The following PDE7B variants were observed in gnomAD, a reference collection of about 807,000 sequenced individuals.
The protein encoded by PDE7B is 3',5'-cyclic-AMP phosphodiesterase 7B.
PDE7B carries 29 observed loss-of-function variants against 56.2 expected under a neutral mutation model. That is an observed-to-expected ratio of 0.52 (90% CI 0.38 to 0.70). The LOEUF is 0.70. PDE7B is among the 30% of genes least tolerant of loss of function. The pLI, the probability that PDE7B is intolerant of heterozygous loss-of-function variation, is 0.00. For missense variants in PDE7B, 490 were observed against 565.0 expected, an observed-to-expected ratio of 0.87 and a Z score of 1.35; for synonymous variants, 197 against 196.9, an observed-to-expected ratio of 1.00 and a Z score of 0.00.
chr6:135,995,408 A>G (rs1355414098), intron 2 of PDE7B, among the ~76,000 whole-genome samples: 1 of 152,184 alleles, frequency 6.6e-6, no homozygotes, highest in African/African-American at 2.4e-5. Flanking sequence ...TTACATCTGA[A>G]GGAGATAAAA....
rs186947943 is a variant in PDE7B, at chr6:135,989,445, C to T, written c.82+41921C>T. 3.9e-4 allele frequency among the ~76,000 whole-genome samples: 60 copies of T among 152,230 alleles called. 1 individual carries two copies. The highest frequency in any genetic ancestry group is 1.3e-3 in the African/African-American group (52 of 41,542). ...CCAGACCAACATGGAGAAACCCTGT[C>T]TCTACTAAAAATACAAAAATTAGCT... On this transcript the variant is annotated intron_variant, in intron 2 of 12. Coordinates refer to ENST00000308191, the MANE Select transcript of PDE7B (RefSeq NM_018945.4).
In PDE7B at chr6:136,038,536, G is replaced by C. The variant is rs1053959778; in HGVS notation, c.83-70195G>C. 14 of 1,270,182 alleles carry C rather than the reference G, an allele frequency of 1.1e-5. 1 individual carries two copies. The highest frequency in any genetic ancestry group is 1.4e-5 in the Non-Finnish European group (14 of 978,532). 78.7% of individuals were successfully genotyped at this position (1,270,182 alleles called of 1,614,324 possible). On this transcript the variant is annotated intron_variant, in intron 2 of 12. Coordinates refer to ENST00000308191, the MANE Select transcript of PDE7B (RefSeq NM_018945.4). Reference sequence around the variant, plus strand: ...CTCTCCGCAGCTTTCCAGGTAAATTGACCATGGGGTGTAATAGGTCACAGG... The same window carrying C: ...CTCTCCGCAGCTTTCCAGGTAAATTCACCATGGGGTGTAATAGGTCACAGG...
At chr6:136,027,768 C>T (rs1480965747) in intron 2 of PDE7B, among the ~76,000 whole-genome samples, 12 of 152,004 alleles carry the variant, frequency 7.9e-5, no homozygotes, top group Non-Finnish European at 1.3e-4. Context: ...ACTGCAGGCA[C>T]GCACCACCAT....
chr6:136,151,239 CT>C lies in PDE7B; in HGVS notation c.464del (p.Leu155TyrfsTer5). 1 of 1,593,494 alleles carries C rather than the reference CT, an allele frequency of 6.3e-7. No individual in the cohort carries two copies. The highest frequency in any genetic ancestry group is 8.6e-7 in the Non-Finnish European group (1 of 1,161,430). On this transcript the variant is annotated frameshift_variant, in exon 6 of 13. Coordinates refer to ENST00000308191, the MANE Select transcript of PDE7B (RefSeq NM_018945.4). LOFTEE classifies it high-confidence loss of function. ...ACCATTTCAAGTTAGATATGGTGAC[CT>C]TACACCGATTTTTAGGTAAGTCCTT... The part of the protein sequence containing the change: ...IHHFKLDMVT[L>X]HRFLVMVQED...
intron 1 of PDE7B, among the ~76,000 whole-genome samples, chr6:135,895,476 C>T (rs1011183573): frequency 3.9e-5 from 6 of 152,062 alleles, no homozygotes; most frequent in Non-Finnish European, 5.9e-5. Flanking sequence ...CCAACATTGC[C>T]GGGTCTACGA....
intron 2 of PDE7B, among the ~76,000 whole-genome samples, chr6:136,062,071 A>G (rs1342994371): frequency 2.6e-5 from 4 of 152,200 alleles, no homozygotes; most frequent in Non-Finnish European, 4.4e-5. Context: ...GGGATCGCCA[A>G]TGCATGGAGG....
chr6:136,051,314 A>T (rs1053595268), intron 2 of PDE7B, among the ~76,000 whole-genome samples: 2 of 152,222 alleles, frequency 1.3e-5, no homozygotes, highest in Non-Finnish European at 2.9e-5. Flanking sequence ...AGCTGTAATC[A>T]TAAGATTTCT....
chr6:136,128,821 G>C (rs971855789), intron 3 of PDE7B, among the ~76,000 whole-genome samples: 1 of 152,132 alleles, frequency 6.6e-6, no homozygotes, highest in African/African-American at 2.4e-5. Flanking sequence ...ATGGGGAAAA[G>C]ACTAGGAAGA....
intron 3 of PDE7B, among the ~76,000 whole-genome samples, chr6:136,140,434 G>A (rs1389659932): frequency 6.6e-6 from 1 of 152,138 alleles, no homozygotes; most frequent in Non-Finnish European, 1.5e-5. Flanking sequence ...TTTTGGCTTA[G>A]GATTGACTTG....
At chr6:136,056,408 C>T (rs1021607910) in intron 2 of PDE7B, among the ~76,000 whole-genome samples, 2 of 148,214 alleles carry the variant, frequency 1.3e-5, no homozygotes, top group Admixed American at 6.8e-5. Flanking sequence ...CAAGTTCTTT[C>T]TGCAGTTCTT....
intron 2 of PDE7B, among the ~76,000 whole-genome samples, chr6:136,032,168 T>A (rs111955321): frequency 6.6e-6 from 1 of 152,144 alleles, no homozygotes; most frequent in African/African-American, 2.4e-5. Context: ...AACAAAACAC[T>A]GAGGCCCTCA....
chr6:136,095,562 C>T (rs1777458009), intron 2 of PDE7B, among the ~76,000 whole-genome samples: 2 of 152,166 alleles, frequency 1.3e-5, no homozygotes, highest in African/African-American at 2.4e-5. Flanking sequence ...GATCACTTTT[C>T]ATGCCATTGA....
intron 3 of PDE7B, among the ~76,000 whole-genome samples, chr6:136,116,586 G>A (rs1777834948): frequency 6.6e-6 from 1 of 152,186 alleles, no homozygotes; most frequent in Non-Finnish European, 1.5e-5. Flanking sequence ...AGTTGGTCTG[G>A]CCATCTGAAA....
intron 2 of PDE7B, among the ~76,000 whole-genome samples, chr6:136,000,039 G>T (rs1323084978): frequency 6.6e-6 from 1 of 152,052 alleles, no homozygotes; most frequent in Admixed American, 6.6e-5. Flanking sequence ...TTGGCCACAT[G>T]TATGTCTTTA....
chr6:135,879,027 C>T (rs1775554939), intron 1 of PDE7B, among the ~76,000 whole-genome samples: 1 of 151,932 alleles, frequency 6.6e-6, no homozygotes, highest in Admixed American at 6.6e-5. Flanking sequence ...ACTTTTTACC[C>T]ATGTAAAATT....
intron 1 of PDE7B, among the ~76,000 whole-genome samples, chr6:135,899,324 G>C (rs1467408749): frequency 6.6e-6 from 1 of 151,648 alleles, no homozygotes; most frequent in Non-Finnish European, 1.5e-5. Flanking sequence ...TGAAACCTGG[G>C]TAATGTCTAT....
intron 2 of PDE7B, among the ~76,000 whole-genome samples, chr6:136,058,249 G>A (rs1776772848): frequency 6.6e-6 from 1 of 152,134 alleles, no homozygotes; most frequent in Admixed American, 6.5e-5. Flanking sequence ...CAGGGGTCAA[G>A]GTCTTCCAGT....
intron 2 of PDE7B, among the ~76,000 whole-genome samples, chr6:135,974,330 G>GTATA (rs60499605): frequency 5.1e-4 from 77 of 150,682 alleles, no homozygotes; most frequent in Middle Eastern, 7.0e-3. Context: ...ATGTGTGTGT[G>GTATA]TATATATATA....
intron 3 of PDE7B, among the ~76,000 whole-genome samples, chr6:136,136,010 C>A (rs1187404576): frequency 6.6e-6 from 1 of 152,022 alleles, no homozygotes; most frequent in African/African-American, 2.4e-5. Context: ...TACAGGGCAA[C>A]TGCATCTTAG....
Sources: gnomAD v4.1 joint callset for allele counts (sites outside exome capture counted in the v4.1 genomes callset) on GRCh38, gnomAD v4.1.1 for gene constraint, MANE v1.5 for transcripts, NCBI Gene and HGNC (gene_info 2026-07-23, HGNC 2026-07-21) for gene names.